Variants in LPIN3 observed in about 807,000 individuals in gnomAD.
LPIN3 encodes lipin 3, also known as phosphatidate phosphatase LPIN3.
LPIN3 carries 82 observed loss-of-function variants against 94.7 expected under a neutral mutation model. The ratio of observed to expected loss-of-function variants is 0.87; its 90% CI spans 0.72 to 1.04. LPIN3 has a LOEUF of 1.04. LPIN3 is among the 50% of genes least tolerant of loss of function. The pLI, the probability that LPIN3 is intolerant of heterozygous loss-of-function variation, is 0.00. For synonymous variants in LPIN3, 418 were observed against 443.3 expected (o/e 0.94, Z 0.72); for missense variants, 996 against 1,090.5 (o/e 0.91, Z 1.22).
chr20:41,349,443 C>T (rs1459901773), intron 5 of LPIN3, among the ~76,000 whole-genome samples: 1 of 152,062 alleles, frequency 6.6e-6, no homozygotes, highest in Non-Finnish European at 1.5e-5. Context: ...TCACCACTAT[C>T]TAGTTCCAGA....
intron 2 of LPIN3, among the ~76,000 whole-genome samples, chr20:41,346,933 G>T (rs1183579514): frequency 1.3e-5 from 2 of 152,086 alleles, no homozygotes; most frequent in Non-Finnish European, 2.9e-5. Flanking sequence ...TATCTAAGAG[G>T]CTAGTAGCTT....
intron 17 of LPIN3, 23 bp from the exon 18 acceptor site, chr20:41,358,214 T>C (rs775536248): frequency 5.2e-5 from 83 of 1,611,038 alleles, no homozygotes; most frequent in Non-Finnish European, 5.6e-5. Context: ...CCCCCTTCCC[T>C]GCTGTGGTTC....
chr20:41,349,999 T>A (rs982373831), intron 6 of LPIN3, 56 bp from the exon 7 acceptor site: 4 of 1,559,932 alleles, frequency 2.6e-6, no homozygotes, highest in African/African-American at 1.4e-5. Context: ...CCCAAAAGCT[T>A]TGTGGGGCAT....
intron 14 of LPIN3, among the ~76,000 whole-genome samples, chr20:41,356,449 AT>A (rs2046211174): frequency 6.6e-6 from 1 of 152,148 alleles, no homozygotes; most frequent in African/African-American, 2.4e-5. Flanking sequence ...TATTTTCTTC[AT>A]GGTTGTGGCT....
chr20:41,358,346 C>T lies in LPIN3; in HGVS notation c.2302C>T (p.Pro768Ser), dbSNP rs1175920710. ...QPFYAAFGNR[P>S]NDVFAYRQVG... ...CTTCTATGCTGCCTTTGGGAATAGG[C>T]CCAATGTGAGTGTGTCCCCTCCACT... The change falls in exon 18 of 20, where the codon CCC becomes TCC. Residue 768 changes from proline to serine, a missense_variant. Pro to Ser is a moderately conservative substitution (Grantham distance 74). Transcript: ENST00000373257. 2 of 1,614,066 alleles carry T rather than the reference C, an allele frequency of 1.2e-6. No homozygotes were observed. Among genetic ancestry groups the T allele is most frequent in the Middle Eastern group, 1.6e-4 (1 of 6,062 alleles).
Position 41,346,006 on chromosome 20 carries a change from A to C in LPIN3, c.192+11A>C. On this transcript the variant is annotated intron_variant, in intron 2 of 19. Coordinates refer to ENST00000373257, the MANE Select transcript of LPIN3 (RefSeq NM_022896.3). ...TCGCGGGAGAAGGTGGTGAGTGCTCAGGCTGGCTGAGGTGGCTACTGCAGA... is the reference window on the plus strand; with the variant it reads ...TCGCGGGAGAAGGTGGTGAGTGCTCCGGCTGGCTGAGGTGGCTACTGCAGA... The C allele has an allele frequency of 5.0e-6, 8 of 1,609,958 alleles. No individual in the cohort carries two copies. Among genetic ancestry groups the C allele is most frequent in the Non-Finnish European group, 6.8e-6 (8 of 1,177,868 alleles).
Position 41,354,592 on chromosome 20 carries a change from T to C in LPIN3, c.1528-53T>C. On this transcript the variant is annotated intron_variant, in intron 11 of 19. Coordinates refer to ENST00000373257, the MANE Select transcript of LPIN3 (RefSeq NM_022896.3). ...GGAGGGTCCCAAGAACAACGTAAGGTAGGAGGTTTATGTGGTGCAGGAAAC... is the reference window on the plus strand; with the variant it reads ...GGAGGGTCCCAAGAACAACGTAAGGCAGGAGGTTTATGTGGTGCAGGAAAC... 2.7e-6 allele frequency: 4 copies of C among 1,490,880 alleles called. No individual in the cohort carries two copies. In the South Asian group the frequency reaches 5.4e-5, roughly 20 times the overall value. 92.4% of individuals were successfully genotyped at this position (1,490,880 alleles called of 1,614,324 possible). A position where few individuals can be genotyped will look rare whatever the true frequency, so the allele number is the denominator to read the frequency against.
Position 41,351,890 on chromosome 20 carries a change from C to G in LPIN3, c.1172C>G (p.Ser391Cys), listed in dbSNP as rs765261416. 6.2e-7 allele frequency: 1 copy of G among 1,614,246 alleles called. No homozygotes were observed. Among genetic ancestry groups the G allele is most frequent in the Non-Finnish European group, 8.5e-7 (1 of 1,180,048 alleles). ...CTGGATGACTTGCCCTCCCTGGACT[C>G]TGAGAATGCAGCGCTTTACTTCCCC... The part of the protein sequence containing the change: ...IYLDDLPSLD[S>C]ENAALYFPQS... Residue 391 changes from serine to cysteine, a missense_variant, in exon 8 of 20, where the codon TCT (serine) becomes TGT (cysteine). Physicochemically the swap from Ser to Cys is moderately radical, Grantham distance 112 (BLOSUM62 -1). Transcript: ENST00000373257.
rs1435301918 is a variant in LPIN3 at position 41,357,290 on chromosome 20, G to A, written c.1953-71G>A. 8 of 1,602,378 alleles carry A rather than the reference G, an allele frequency of 5.0e-6. No individual in the cohort carries two copies. In the East Asian group the frequency reaches 1.3e-4, roughly 27 times the overall value. Reference sequence around the variant, plus strand: ...GAGTGAGAGGAGCCCTCCCTTCCTGGTGGGCCATCCTGGGGCTGGAGCTGG... The same window carrying A: ...GAGTGAGAGGAGCCCTCCCTTCCTGATGGGCCATCCTGGGGCTGGAGCTGG... On this transcript the variant is annotated intron_variant, in intron 15 of 19. Transcript: ENST00000373257.
chr20:41,341,991 A>G (rs942951826), intron 1 of LPIN3, among the ~76,000 whole-genome samples: 2 of 152,172 alleles, frequency 1.3e-5, no homozygotes, highest in Non-Finnish European at 2.9e-5. Flanking sequence ...AAATAAATAA[A>G]TAAAAGAAGT....
intron 7 of LPIN3, among the ~76,000 whole-genome samples, chr20:41,351,169 C>T (rs931719230): frequency 2.0e-5 from 3 of 151,910 alleles, no homozygotes; most frequent in African/African-American, 7.3e-5. Flanking sequence ...AGGAGGGTCA[C>T]TTGAGCCCAG....
In LPIN3 at chr20:41,358,288, C is replaced by T. The variant is rs1193457234; in HGVS notation, c.2244C>T (p.Asp748=). The T allele has an allele frequency of 1.2e-6, 2 of 1,614,064 alleles. No individual in the cohort carries two copies. Among genetic ancestry groups the T allele is most frequent in the Non-Finnish European group, 1.7e-6 (2 of 1,180,054 alleles). The change falls in exon 18 of 20, where the codon GAC becomes GAT. Residue 748 remains aspartate, a synonymous_variant. Transcript: ENST00000373257. ...PEVFKVACLS[D]IQQLFLPHGQ... is the part of the protein sequence containing the mutation. Reference sequence around the variant, plus strand: ...TGTTCAAGGTCGCCTGCCTGAGTGACATCCAGCAGCTGTTTCTGCCCCACG... The same window carrying T: ...TGTTCAAGGTCGCCTGCCTGAGTGATATCCAGCAGCTGTTTCTGCCCCACG...
In LPIN3 at chr20:41,350,331, T is replaced by C; in HGVS notation, c.1036T>C (p.Trp346Arg). 2 of 1,610,434 alleles carry C rather than the reference T, an allele frequency of 1.2e-6. No individual in the cohort carries two copies. Among genetic ancestry groups the C allele is most frequent in the Non-Finnish European group, 1.7e-6 (2 of 1,177,520 alleles). Residue 346 changes from tryptophan (W) to arginine (R), a missense_variant, in exon 7 of 20, where the codon TGG becomes CGG. By Grantham distance (101) the Trp-to-Arg change is moderately radical. Coordinates refer to ENST00000373257, the MANE Select transcript of LPIN3 (RefSeq NM_022896.3). ...GGGCCTCCCTCCTGCCTCCAAGTCA[T>C]GGAGCTGGGCCACTCTGGAGGTTCC... ...DMGLPPASKS[W>R]SWATLEVPVP...
chr20:41,350,657 G>T (rs1453643206), intron 7 of LPIN3, among the ~76,000 whole-genome samples: 1 of 152,094 alleles, frequency 6.6e-6, no homozygotes, highest in African/African-American at 2.4e-5. Context: ...GGTGATGTTG[G>T]AGCTAAGACA....
chr20:41,351,934 G>C lies in LPIN3; in HGVS notation c.1202+14G>C. 1 of 1,614,090 alleles carries C rather than the reference G, an allele frequency of 6.2e-7. No individual in the cohort carries two copies. On this transcript the variant is annotated intron_variant, in intron 8 of 19. Transcript: ENST00000373257. ...CTTCCCCCAAAGGTGCCTGGGTTCT[G>C]GATGCCAGGGTGTCTTGGGTCTGGG... is the stretch of plus-strand genomic sequence containing the variant.
At chr20:41,344,596 G>A (rs1312492561) in intron 1 of LPIN3, among the ~76,000 whole-genome samples, 2 of 152,252 alleles carry the variant, frequency 1.3e-5, no homozygotes, top group Admixed American at 1.3e-4. Context: ...GTGATCACCT[G>A]AAGCTGCTGG....
Position 41,357,396 on chromosome 20 carries a change from G to A in LPIN3, c.1988G>A (p.Gly663Glu), listed in dbSNP as rs1303676229. 3 of 1,613,914 alleles carry A rather than the reference G, an allele frequency of 1.9e-6. No individual in the cohort carries two copies. The highest frequency in any genetic ancestry group is 2.5e-6 in the Non-Finnish European group (3 of 1,180,006). Reference sequence around the variant, plus strand: ...CTGGGCCATATCCTGCCCCAGCTGGGGAAAGACTGGACACACCAGGGCATC... The same window carrying A: ...CTGGGCCATATCCTGCCCCAGCTGGAGAAAGACTGGACACACCAGGGCATC... ...DALGHILPQLGKDWTHQGITS... is the reference protein window; with the variant it reads ...DALGHILPQLEKDWTHQGITS... The change falls in exon 16 of 20, where the codon GGG becomes GAG. Residue 663 changes from glycine (G) to glutamate (E), a missense_variant. By Grantham distance (98) the Gly-to-Glu change is moderately conservative. Transcript: ENST00000373257.
rs777842165 is a variant in LPIN3 at position 41,345,796 on chromosome 20, C to T, written c.-8C>T. On this transcript the variant is annotated splice_region_variant and 5_prime_UTR_variant, in exon 2 of 20. Coordinates refer to ENST00000373257, the MANE Select transcript of LPIN3 (RefSeq NM_022896.3). The stretch of plus-strand genomic sequence containing the variant: ...GCAAGCCACTGCCTTTCTTTGCCAG[C>T]ACCAGCCATGAACTACGTGGGGCAG... 1 of 1,604,158 alleles carries T rather than the reference C, an allele frequency of 6.2e-7. No homozygotes were observed. Among genetic ancestry groups the T allele is most frequent in the African/African-American group, 1.3e-5 (1 of 74,886 alleles).
At chr20:41,353,702 T>C (rs2046106835) in intron 11 of LPIN3, among the ~76,000 whole-genome samples, 1 of 152,266 alleles carries the variant, frequency 6.6e-6, no homozygotes, top group African/African-American at 2.4e-5. Context: ...AGTGCCAGCC[T>C]GTGCCAACCT....
Sources: gnomAD v4.1 joint callset for allele counts (sites outside exome capture counted in the v4.1 genomes callset) on GRCh38, gnomAD v4.1.1 for gene constraint, MANE v1.5 for transcripts, NCBI Gene and HGNC (gene_info 2026-07-23, HGNC 2026-07-21) for gene names.